The following NAALADL2 variants were observed in gnomAD, a reference collection of about 807,000 sequenced individuals.
NAALADL2 encodes the protein N-acetylated alpha-linked acidic dipeptidase like 2, also known as inactive N-acetylated-alpha-linked acidic dipeptidase-like protein 2.
In NAALADL2, 76 loss-of-function variants were observed where a neutral mutation model predicts 87.2. The ratio of observed to expected loss-of-function variants is 0.87; its 90% CI spans 0.72 to 1.05. The LOEUF is 1.05. Among genes scored for constraint, NAALADL2 ranks in the 50% least tolerant of loss-of-function variants. NAALADL2 has a pLI of 0.00. For missense variants in NAALADL2, 1,089 were observed against 945.8 expected (o/e 1.15, Z -1.99); for synonymous variants, 354 against 331.0 (o/e 1.07, Z -0.75).
At chr3:174,467,478 A>G (rs1305627190) in intron 1 of NAALADL2, among the ~76,000 whole-genome samples, 1 of 151,862 alleles carries the variant, frequency 6.6e-6, no homozygotes, top group Non-Finnish European at 1.5e-5. Context: ...CTATAATCCC[A>G]GCTACTCGGG....
intron 2 of NAALADL2, among the ~76,000 whole-genome samples, chr3:175,149,641 T>A (rs1356877185): frequency 6.6e-6 from 1 of 152,194 alleles, no homozygotes; most frequent in Non-Finnish European, 1.5e-5. Flanking sequence ...ACTTTTGGTT[T>A]ATAATTATTT....
At chr3:175,466,892 T>C in intron 7 of NAALADL2, 87 bp from the exon 8 acceptor site, 1 of 1,134,650 alleles carries the variant, frequency 8.8e-7, no homozygotes, top group Non-Finnish European at 1.3e-6. Context: ...TATTGCTCAG[T>C]TGTGCAATAG....
intron 3 of NAALADL2, among the ~76,000 whole-genome samples, chr3:174,758,383 G>A (rs1439123359): frequency 6.6e-6 from 1 of 152,126 alleles, no homozygotes; most frequent in African/African-American, 2.4e-5. Context: ...TATACAACTA[G>A]CATAGAGTCA....
rs193088537 is a variant in NAALADL2, at chr3:174,502,498, A to G, written c.-183-48071A>G. On this transcript the variant is annotated intron_variant, in intron 1 of 3. Coordinates refer to the NAALADL2 transcript ENST00000434257. ...ATACTGATATAGCATTATGACACACATTATTTATGGTCATTAAATTACCTC... is the reference window on the plus strand; with the variant it reads ...ATACTGATATAGCATTATGACACACGTTATTTATGGTCATTAAATTACCTC... 7.7e-4 allele frequency among the ~76,000 whole-genome samples: 117 copies of G among 152,288 alleles called. 1 individual carries two copies. The highest frequency in any genetic ancestry group is 3.4e-3 in the Middle Eastern group (1 of 294).
chr3:174,574,630 T>G (rs1439928288), intron 2 of NAALADL2, among the ~76,000 whole-genome samples: 2 of 152,162 alleles, frequency 1.3e-5, no homozygotes, highest in East Asian at 3.8e-4. Context: ...ATCATTCAGA[T>G]TGATTAGTAC....
At chr3:174,878,369 A>G (rs1001592367) in intron 1 of NAALADL2, among the ~76,000 whole-genome samples, 1 of 151,982 alleles carries the variant, frequency 6.6e-6, no homozygotes, top group Admixed American at 6.6e-5. Context: ...GATTTGGCCA[A>G]CCTGTTGAAT....
At chr3:174,895,266 A>G (rs1440080864) in intron 1 of NAALADL2, among the ~76,000 whole-genome samples, 1 of 152,088 alleles carries the variant, frequency 6.6e-6, no homozygotes, top group Non-Finnish European at 1.5e-5. Flanking sequence ...AACTTAAAAA[A>G]AAATTGACAA....
intron 2 of NAALADL2, among the ~76,000 whole-genome samples, chr3:175,165,482 T>C (rs893267621): frequency 6.6e-6 from 1 of 152,114 alleles, no homozygotes; most frequent in Non-Finnish European, 1.5e-5. Context: ...AAAAAAGTTA[T>C]AATTAAAAGT....
chr3:175,075,706 C>T (rs190758132), intron 1 of NAALADL2, among the ~76,000 whole-genome samples: 72 of 152,164 alleles, frequency 4.7e-4, no homozygotes, highest in African/African-American at 1.6e-3. Context: ...TAACTTGAAA[C>T]CTGAGGGACG....
At chr3:174,915,143 T>C (rs1734203353) in intron 1 of NAALADL2, among the ~76,000 whole-genome samples, 2 of 152,300 alleles carry the variant, frequency 1.3e-5, no homozygotes, top group South Asian at 4.1e-4. Context: ...ATGGTTTAAT[T>C]GTAAAGCTTA....
chr3:175,319,830 A>C (rs1226151002), intron 4 of NAALADL2, among the ~76,000 whole-genome samples: 1 of 152,296 alleles, frequency 6.6e-6, no homozygotes, highest in East Asian at 1.9e-4. Flanking sequence ...AAAAAATAAA[A>C]ATAAAAATAG....
intron 9 of NAALADL2, among the ~76,000 whole-genome samples, chr3:175,532,683 C>T (rs961609328): frequency 9.2e-5 from 14 of 152,194 alleles, no homozygotes; most frequent in African/African-American, 1.9e-4. Flanking sequence ...CTGTCCATTA[C>T]GGTGGCTACA....
intron 9 of NAALADL2, among the ~76,000 whole-genome samples, chr3:175,517,706 A>C (rs997215240): frequency 1.3e-5 from 2 of 152,080 alleles, no homozygotes; most frequent in Non-Finnish European, 2.9e-5. Flanking sequence ...GCATGGACAC[A>C]CACAAGGAGT....
In NAALADL2 at chr3:174,865,295, A is replaced by G. The variant is rs114346439; in HGVS notation, c.43+5845A>G. Among the ~76,000 whole-genome samples, 1,113 of 152,174 alleles carry G rather than the reference A, an allele frequency of 7.3e-3. 11 individuals are homozygous for G. Among genetic ancestry groups the G allele is most frequent in the African/African-American group, 0.025 (1,023 of 41,560 alleles). ...TAATGCAGTTTATAATGAACATGCA[A>G]AAGGTGTGCACGTATGCTTGTTAAA... On this transcript the variant is annotated intron_variant, in intron 1 of 13. Coordinates refer to ENST00000454872, the MANE Select transcript of NAALADL2 (RefSeq NM_207015.3).
intron 1 of NAALADL2, among the ~76,000 whole-genome samples, chr3:175,050,877 C>A (rs1302176478): frequency 6.6e-6 from 1 of 151,740 alleles, no homozygotes. Flanking sequence ...GTTGTGTTGA[C>A]AAAATGTCAT....
intron 2 of NAALADL2, among the ~76,000 whole-genome samples, chr3:175,126,218 T>A (rs12107339): frequency 0.066 from 10,107 of 151,988 alleles, 669 homozygotes; most frequent in African/African-American, 0.17. Flanking sequence ...AAAAGAGGAA[T>A]TGGAGATAGG....
At chr3:175,191,558 C>T (rs879326321) in intron 2 of NAALADL2, among the ~76,000 whole-genome samples, 7 of 152,278 alleles carry the variant, frequency 4.6e-5, no homozygotes, top group Non-Finnish European at 8.8e-5. Context: ...CCCCAGAAAG[C>T]ACCCCCTGAA....
At chr3:175,245,924 G>A (rs374377662) in intron 3 of NAALADL2, among the ~76,000 whole-genome samples, 2 of 152,208 alleles carry the variant, frequency 1.3e-5, no homozygotes, top group Admixed American at 6.5e-5. Flanking sequence ...GGTCTTAACT[G>A]GAACACTATT....
chr3:175,384,742 A>T, intron 5 of NAALADL2, among the ~76,000 whole-genome samples: 1 of 150,864 alleles, frequency 6.6e-6, no homozygotes, highest in South Asian at 2.1e-4. Flanking sequence ...TTTTATTACC[A>T]ATTTTTGTTT....
Sources: allele counts gnomAD v4.1 joint callset (sites outside exome capture counted in the v4.1 genomes callset), GRCh38; gene constraint gnomAD v4.1.1; transcripts MANE v1.5; gene names NCBI Gene and HGNC (gene_info 2026-07-23, HGNC 2026-07-21).